Variants in NUBPL observed in about 807,000 individuals in gnomAD.
The protein encoded by NUBPL is iron-sulfur cluster transfer protein NUBPL.
In NUBPL, 31 loss-of-function variants were observed where a neutral mutation model predicts 45.7. That is an observed-to-expected ratio of 0.68 (90% CI 0.51 to 0.92). The LOEUF is 0.92. NUBPL is among the 40% of genes least tolerant of loss of function. NUBPL has a pLI of 0.00. For synonymous variants in NUBPL, 144 were observed against 140.9 expected (o/e 1.02, Z -0.15); for missense variants, 401 against 398.7 (o/e 1.01, Z -0.05).
chr14:31,684,724 G>T (rs2036913627), intron 6 of NUBPL, among the ~76,000 whole-genome samples: 1 of 152,010 alleles, frequency 6.6e-6, no homozygotes, highest in African/African-American at 2.4e-5. Context: ...TATCTTAGGT[G>T]TTTTTTTCGT....
chr14:31,588,712 C>G (rs716887), intron 3 of NUBPL, among the ~76,000 whole-genome samples: 9,799 of 151,400 alleles, frequency 0.065, 424 homozygotes, highest in Non-Finnish European at 0.091. Flanking sequence ...GTCAGGAGTT[C>G]GAGACCAGCC....
chr14:31,681,626 G>T (rs1053636357), intron 6 of NUBPL, among the ~76,000 whole-genome samples: 1 of 151,530 alleles, frequency 6.6e-6, no homozygotes, highest in Non-Finnish European at 1.5e-5. Context: ...AGCTCTTAAG[G>T]TAGGCAGTTA....
At position 31,658,339 on chromosome 14, in the gene NUBPL, T is replaced by C. The variant is rs192333778; in HGVS notation, c.383-15016T>C. The stretch of plus-strand genomic sequence containing the variant: ...CTTTTTAACTTTGGGCAGGTTAGTT[T>C]AATATTCTGATCTTCGGCTATTCCA... On this transcript the variant is annotated intron_variant, in intron 4 of 10. Coordinates refer to ENST00000281081, the MANE Select transcript of NUBPL (RefSeq NM_025152.3). Among the ~76,000 whole-genome samples the C allele has an allele frequency of 1.1e-3, 169 of 152,320 alleles. 1 individual carries two copies. The highest frequency in any genetic ancestry group is 3.8e-3 in the African/African-American group (157 of 41,582).
intron 7 of NUBPL, among the ~76,000 whole-genome samples, chr14:31,825,187 G>C (rs535593507): frequency 7.2e-6 from 1 of 138,172 alleles, no homozygotes; most frequent in African/African-American, 2.5e-5. Context: ...TCCACAGTGT[G>C]AGTTTTTAAG....
chr14:31,849,910 A>G, intron 9 of NUBPL: 2 of 588,642 alleles, frequency 3.4e-6, no homozygotes. Context: ...TTCCTATATA[A>G]ACATACAATC....
chr14:31,671,323 T>C (rs921630855), intron 4 of NUBPL, among the ~76,000 whole-genome samples: 20 of 152,242 alleles, frequency 1.3e-4, no homozygotes, highest in Non-Finnish European at 2.6e-4. Flanking sequence ...TTGCGAATAG[T>C]GCTGCAGTAA....
At chr14:31,825,934 C>T (rs550351788) in intron 7 of NUBPL, among the ~76,000 whole-genome samples, 19 of 151,372 alleles carry the variant, frequency 1.3e-4, no homozygotes, top group Non-Finnish European at 1.6e-4. Context: ...GTGATCCCTC[C>T]GCCTCAGCCT....
chr14:31,848,960 C>T (rs1458550263), intron 9 of NUBPL, among the ~76,000 whole-genome samples: 1 of 152,154 alleles, frequency 6.6e-6, no homozygotes, highest in Non-Finnish European at 1.5e-5. Flanking sequence ...ATTTTTGCTG[C>T]TTGCTCCTGT....
At chr14:31,727,676 C>G (rs1465978093) in intron 6 of NUBPL, among the ~76,000 whole-genome samples, 1 of 152,102 alleles carries the variant, frequency 6.6e-6, no homozygotes, top group African/African-American at 2.4e-5. Flanking sequence ...ATTTTTGGGC[C>G]ACACTTAGTT....
chr14:31,713,194 C>G (rs1025500569), intron 6 of NUBPL, among the ~76,000 whole-genome samples: 13 of 152,216 alleles, frequency 8.5e-5, no homozygotes, highest in African/African-American at 3.1e-4. Flanking sequence ...GTTGGTTTCA[C>G]TAGCCTTTTT....
intron 4 of NUBPL, among the ~76,000 whole-genome samples, chr14:31,672,273 ATGTGTGTG>A (rs3035682): frequency 0.043 from 6,402 of 148,176 alleles, 218 homozygotes; most frequent in African/African-American, 0.098. Flanking sequence ...CTGATTAGAT[ATGTGTGTG>A]TGTGTGTGTG....
intron 6 of NUBPL, among the ~76,000 whole-genome samples, chr14:31,715,555 G>A (rs1302131859): frequency 6.6e-6 from 1 of 152,176 alleles, no homozygotes; most frequent in Non-Finnish European, 1.5e-5. Context: ...ATAGGGAATT[G>A]TAACACAATG....
chr14:31,580,820 A>G (rs1238728732), intron 3 of NUBPL, among the ~76,000 whole-genome samples: 1 of 152,202 alleles, frequency 6.6e-6, no homozygotes, highest in Non-Finnish European at 1.5e-5. Context: ...TCATGAACAG[A>G]ATAAACAGGA....
chr14:31,571,324 C>CAA (rs879374297), intron 3 of NUBPL, among the ~76,000 whole-genome samples: 76 of 134,184 alleles, frequency 5.7e-4, no homozygotes, highest in African/African-American at 1.7e-3. Context: ...TATGATCTGT[C>CAA]AAAAAAAAAA....
intron 4 of NUBPL, among the ~76,000 whole-genome samples, chr14:31,646,993 T>A (rs1595430751): frequency 6.6e-6 from 1 of 152,204 alleles, no homozygotes; most frequent in African/African-American, 2.4e-5. Flanking sequence ...TGCTGACTAC[T>A]TCTAATGAAT....
At chr14:31,642,397 A>G (rs951768408) in intron 4 of NUBPL, among the ~76,000 whole-genome samples, 3 of 152,116 alleles carry the variant, frequency 2.0e-5, no homozygotes, top group East Asian at 3.9e-4. Context: ...ATTCTTCCTC[A>G]TGTGGTTACC....
At chr14:31,614,586 T>C (rs748653090) in intron 4 of NUBPL, among the ~76,000 whole-genome samples, 10 of 152,208 alleles carry the variant, frequency 6.6e-5, no homozygotes, top group Non-Finnish European at 1.2e-4. Flanking sequence ...TCTTAAAAAA[T>C]TATGAAATTT....
At chr14:31,789,436 A>T (rs1005637313) in intron 7 of NUBPL, among the ~76,000 whole-genome samples, 1 of 152,174 alleles carries the variant, frequency 6.6e-6, no homozygotes, top group African/African-American at 2.4e-5. Flanking sequence ...AAGTCAAGAA[A>T]GCAATAAACA....
At chr14:31,606,763 T>C (rs2034611644) in intron 4 of NUBPL, among the ~76,000 whole-genome samples, 1 of 152,168 alleles carries the variant, frequency 6.6e-6, no homozygotes, top group Non-Finnish European at 1.5e-5. Context: ...GCTTGAGGTC[T>C]GTAGTTGTCC....
Sources: allele counts gnomAD v4.1 joint callset (sites outside exome capture counted in the v4.1 genomes callset), GRCh38; gene constraint gnomAD v4.1.1; transcripts MANE v1.5; gene names NCBI Gene and HGNC (gene_info 2026-07-23, HGNC 2026-07-21).